KIAA1217: variants seen among roughly 807,000 people sequenced by gnomAD.
KIAA1217 encodes KIAA1217, also known as sickle tail protein homolog.
In KIAA1217, 88 loss-of-function variants were observed where a neutral mutation model predicts 163.9. The ratio of observed to expected loss-of-function variants is 0.54; its 90% CI spans 0.45 to 0.64. The LOEUF is 0.64. KIAA1217 is among the 30% of genes least tolerant of loss of function. The pLI, the probability that KIAA1217 is intolerant of heterozygous loss-of-function variation, is 0.00. For synonymous variants in KIAA1217, 903 were observed against 923.1 expected (o/e 0.98, Z 0.39); for missense variants, 2,372 against 2,475.0 (o/e 0.96, Z 0.88).
In KIAA1217 at chr10:24,501,444, C is replaced by A. The variant is rs772114585; in HGVS notation, c.1900C>A (p.Pro634Thr). Residue 634 changes from proline (P) to threonine (T), a missense_variant, in exon 9 of 21, where the codon CCT becomes ACT. Around this residue, in one of 3 missense-constraint regions of KIAA1217, gnomAD observed 1,431 missense variants for 1,470.3 expected, o/e 0.97. Transcript: ENST00000376454. ...ALESTVPPSQ[P>T]PPVGTSAIHM... The stretch of plus-strand genomic sequence containing the variant: ...GGAGTCCACGGTGCCTCCCAGCCAG[C>A]CTCCACCTGTGGGCACCTCAGCCAT... 1 of 1,614,082 alleles carries A rather than the reference C, an allele frequency of 6.2e-7. No homozygotes were observed. Among genetic ancestry groups the A allele is most frequent in the Non-Finnish European group, 8.5e-7 (1 of 1,180,004 alleles).
At chr10:24,484,165 G>GTA (rs1170826213) in intron 6 of KIAA1217, among the ~76,000 whole-genome samples, 26 of 138,522 alleles carry the variant, frequency 1.9e-4, no homozygotes, top group East Asian at 6.2e-4. Flanking sequence ...ATATGTGTGT[G>GTA]TATATATATA....
chr10:23,883,805 A>C (rs1841056801), intron 1 of KIAA1217, among the ~76,000 whole-genome samples: 1 of 151,888 alleles, frequency 6.6e-6, no homozygotes, highest in Non-Finnish European at 1.5e-5. Flanking sequence ...AACTCTTGAC[A>C]ACAACTGATC....
chr10:24,108,918 G>C lies in KIAA1217; in HGVS notation c.-171+101544G>C, dbSNP rs181265178. Among the ~76,000 whole-genome samples the C allele has an allele frequency of 2.0e-5, 3 of 152,058 alleles. No individual in the cohort carries two copies. The East Asian group carries it at 5.8e-4, about 29-fold the overall frequency. ...TCAATATCGGCTCACTGCAACCTCC[G>C]CCTCCCAGGATCAAGCGATTCTTCT... On this transcript the variant is annotated intron_variant, in intron 2 of 18. Transcript: ENST00000376462.
chr10:23,996,249 A>G (rs1846473613), intron 1 of KIAA1217, among the ~76,000 whole-genome samples: 1 of 152,224 alleles, frequency 6.6e-6, no homozygotes, highest in African/African-American at 2.4e-5. Context: ...TATGCTCTTC[A>G]GGAAGCAGGA....
At chr10:24,154,772 G>T (rs2131868248) in intron 2 of KIAA1217, among the ~76,000 whole-genome samples, 1 of 152,100 alleles carries the variant, frequency 6.6e-6, no homozygotes, top group African/African-American at 2.4e-5. Context: ...GCTACTTGGG[G>T]AATATTTTAT....
chr10:24,288,700 C>T (rs1002548201), intron 2 of KIAA1217, among the ~76,000 whole-genome samples: 2 of 152,150 alleles, frequency 1.3e-5, no homozygotes, highest in Non-Finnish European at 2.9e-5. Flanking sequence ...TGGAGTTTGC[C>T]AGACACAGAA....
intron 1 of KIAA1217, among the ~76,000 whole-genome samples, chr10:23,840,337 G>A (rs1302851995): frequency 6.6e-6 from 1 of 152,122 alleles, no homozygotes; most frequent in Non-Finnish European, 1.5e-5. Context: ...TGTATTTTTA[G>A]TAGAGATGGG....
At chr10:24,158,255 G>A (rs1337668242) in intron 2 of KIAA1217, 1 of 722,164 alleles carries the variant, frequency 1.4e-6, no homozygotes, top group Non-Finnish European at 2.6e-6. Context: ...GCAAATGTCG[G>A]TCAGTCATGA....
chr10:24,440,900 C>T (rs529494198), intron 5 of KIAA1217, among the ~76,000 whole-genome samples: 130 of 152,312 alleles, frequency 8.5e-4, no homozygotes, highest in Middle Eastern at 6.8e-3. Flanking sequence ...AGATTGCAGA[C>T]GCTAAAAGGC....
chr10:24,268,366 AAAAC>A (rs1470332840), intron 2 of KIAA1217, among the ~76,000 whole-genome samples: 3 of 152,182 alleles, frequency 2.0e-5, no homozygotes, highest in Admixed American at 6.6e-5. Context: ...TCCATTTTAA[AAAAC>A]AAACAACCCC....
chr10:23,754,365 G>A (rs1384363019), intron 1 of KIAA1217, among the ~76,000 whole-genome samples: 2 of 152,178 alleles, frequency 1.3e-5, no homozygotes, highest in African/African-American at 2.4e-5. Context: ...ACTGTTCAGT[G>A]CCCCTCCTGG....
chr10:24,180,897 G>A (rs764916419), intron 2 of KIAA1217, among the ~76,000 whole-genome samples: 1 of 152,326 alleles, frequency 6.6e-6, no homozygotes, highest in Non-Finnish European at 1.5e-5. Flanking sequence ...GTCAAGAACA[G>A]TCTGAGTCAA....
chr10:24,228,377 T>C (rs2070890467), intron 2 of KIAA1217, among the ~76,000 whole-genome samples: 1 of 151,922 alleles, frequency 6.6e-6, no homozygotes, highest in South Asian at 2.1e-4. Context: ...GCAAAAGTAA[T>C]TGCAGTTTTT....
At chr10:23,935,217 C>G (rs1040068537) in intron 1 of KIAA1217, among the ~76,000 whole-genome samples, 2 of 152,114 alleles carry the variant, frequency 1.3e-5, no homozygotes, top group African/African-American at 4.8e-5. Flanking sequence ...CTTGGCCAGT[C>G]CGAAAGCTGA....
chr10:23,906,885 C>A (rs1353864537), intron 1 of KIAA1217, among the ~76,000 whole-genome samples: 2 of 152,074 alleles, frequency 1.3e-5, no homozygotes, highest in Non-Finnish European at 2.9e-5. Flanking sequence ...CCCTTACATT[C>A]TATACATACC....
chr10:24,036,321 T>C (rs1400434427), intron 2 of KIAA1217, among the ~76,000 whole-genome samples: 2 of 152,120 alleles, frequency 1.3e-5, no homozygotes, highest in Non-Finnish European at 2.9e-5. Flanking sequence ...TGTGGAGGCA[T>C]CCAGTCACGA....
At chr10:23,880,075 G>C (rs1205541287) in intron 1 of KIAA1217, among the ~76,000 whole-genome samples, 3 of 151,892 alleles carry the variant, frequency 2.0e-5, no homozygotes, top group South Asian at 4.1e-4. Context: ...CTTTAGATGA[G>C]AGAGGGCATA....
At chr10:24,070,648 G>A (rs937047304) in intron 2 of KIAA1217, among the ~76,000 whole-genome samples, 3 of 152,188 alleles carry the variant, frequency 2.0e-5, no homozygotes, top group Non-Finnish European at 2.9e-5. Context: ...AAGTCTCAGG[G>A]TCAAATCTGA....
chr10:24,338,451 G>A (rs546152270), intron 2 of KIAA1217, among the ~76,000 whole-genome samples: 1 of 152,278 alleles, frequency 6.6e-6, no homozygotes, highest in African/African-American at 2.4e-5. Context: ...GCTTCTGAAG[G>A]ACTTACAGAT....
Sources: gnomAD v4.1 joint callset for allele counts (sites outside exome capture counted in the v4.1 genomes callset) on GRCh38, gnomAD v4.1.1 for gene constraint, gnomAD v4.1.1 regional missense constraint, MANE v1.5 for transcripts, NCBI Gene and HGNC (gene_info 2026-07-23, HGNC 2026-07-21) for gene names.